Variants in SCFD1 observed in about 807,000 individuals in gnomAD.
SCFD1 encodes sec1 family domain-containing protein 1.
SCFD1 carries 37 observed loss-of-function variants against 103.2 expected under a neutral mutation model. That is an observed-to-expected ratio of 0.36 (90% CI 0.28 to 0.47). SCFD1 has a LOEUF of 0.47. SCFD1 is among the 20% of genes least tolerant of loss of function. The pLI is 1.00. For synonymous variants in SCFD1, 264 were observed against 245.0 expected (o/e 1.08, Z -0.73); for missense variants, 639 against 761.2 (o/e 0.84, Z 1.89).
intron 3 of SCFD1, among the ~76,000 whole-genome samples, chr14:30,631,173 A>G (rs1884080877): frequency 6.6e-6 from 1 of 152,042 alleles, no homozygotes; most frequent in Non-Finnish European, 1.5e-5. Flanking sequence ...TCACGTGGTG[A>G]AACGCCATCT....
chr14:30,641,299 A>C (rs996467619), intron 6 of SCFD1, among the ~76,000 whole-genome samples: 2 of 152,210 alleles, frequency 1.3e-5, no homozygotes, highest in Non-Finnish European at 1.5e-5. Context: ...GGGAGCAAGG[A>C]GATTTATTAT....
At chr14:30,715,858 A>C (rs1026657365) in intron 19 of SCFD1, 66 bp from the exon 20 acceptor site, 1 of 808,382 alleles carries the variant, frequency 1.2e-6, no homozygotes, top group Non-Finnish European at 2.1e-6. Flanking sequence ...TAGAATGATC[A>C]GGTTGTTTTA....
chr14:30,633,208 C>T (rs1373611947), intron 3 of SCFD1, among the ~76,000 whole-genome samples: 1 of 152,190 alleles, frequency 6.6e-6, no homozygotes, highest in Non-Finnish European at 1.5e-5. Flanking sequence ...TAAACACAGA[C>T]TCACTGGCAG....
chr14:30,696,594 T>C (rs980084788), intron 15 of SCFD1, among the ~76,000 whole-genome samples: 5 of 152,186 alleles, frequency 3.3e-5, no homozygotes, highest in African/African-American at 1.2e-4. Context: ...ACTCATGGAA[T>C]AGAGGGAGGA....
At chr14:30,655,764 T>C (rs1051631783) in intron 10 of SCFD1, among the ~76,000 whole-genome samples, 2 of 152,002 alleles carry the variant, frequency 1.3e-5, no homozygotes, top group Admixed American at 6.6e-5. Context: ...TGGCAAGACG[T>C]TGTTGTTTAG....
intron 14 of SCFD1, among the ~76,000 whole-genome samples, chr14:30,692,517 A>G (rs924567354): frequency 6.6e-6 from 1 of 152,228 alleles, no homozygotes. Flanking sequence ...ACGTTGAATG[A>G]GTAGAATTCA....
At chr14:30,691,217 C>T (rs1334218490) in intron 14 of SCFD1, among the ~76,000 whole-genome samples, 1 of 152,198 alleles carries the variant, frequency 6.6e-6, no homozygotes, top group East Asian at 1.9e-4. Flanking sequence ...TCTGTTTCTT[C>T]ATCTTTAAAA....
At chr14:30,702,870 A>G (rs1891173037) in intron 17 of SCFD1, among the ~76,000 whole-genome samples, 1 of 152,142 alleles carries the variant, frequency 6.6e-6, no homozygotes, top group African/African-American at 2.4e-5. Context: ...ATTTATCCCA[A>G]AGAAGTAATT....
At chr14:30,665,973 T>A (rs565663187) in intron 10 of SCFD1, among the ~76,000 whole-genome samples, 15 of 152,206 alleles carry the variant, frequency 9.9e-5, no homozygotes, top group Admixed American at 9.2e-4. Context: ...ATGGGAGACT[T>A]TAACACCCCA....
chr14:30,694,989 A>T, intron 15 of SCFD1, 120 bp downstream of exon 15: 4 of 1,462,078 alleles, frequency 2.7e-6, no homozygotes, highest in Non-Finnish European at 3.6e-6. Context: ...ATATCAAGAT[A>T]ATTAAATGAG....
In SCFD1 at chr14:30,648,196, C is replaced by G. The variant is rs1010238910; in HGVS notation, c.614-1332C>G. Among the ~76,000 whole-genome samples, 140 of 152,252 alleles carry G rather than the reference C, an allele frequency of 9.2e-4. 3 individuals are homozygous for G. The highest frequency in any genetic ancestry group is 2.3e-3 in the Admixed American group (35 of 15,302). On this transcript the variant is annotated intron_variant, in intron 7 of 24. Coordinates refer to ENST00000458591, the MANE Select transcript of SCFD1 (RefSeq NM_016106.4). Reference sequence around the variant, plus strand: ...TCAAGAGGGTTACGTTTATACATTTCTAATGTTAATTTAAATTTTTTATTA... The same window carrying G: ...TCAAGAGGGTTACGTTTATACATTTGTAATGTTAATTTAAATTTTTTATTA...
At chr14:30,652,314 G>T (rs1886471661) in intron 9 of SCFD1, 1 of 152,076 alleles carries the variant, frequency 6.6e-6, no homozygotes, top group Non-Finnish European at 1.5e-5. Context: ...GCCTCAATTT[G>T]CTTTCGGTGG....
chr14:30,691,330 T>C (rs1890281771), intron 14 of SCFD1, among the ~76,000 whole-genome samples: 1 of 152,212 alleles, frequency 6.6e-6, no homozygotes, highest in Non-Finnish European at 1.5e-5. Flanking sequence ...TAGAGCTGTA[T>C]GGAGACATTT....
chr14:30,675,140 T>C (rs949296885), intron 14 of SCFD1, 75 bp downstream of exon 14: 1 of 704,042 alleles, frequency 1.4e-6, no homozygotes, highest in Non-Finnish European at 2.3e-6. Context: ...GATGCTTTAG[T>C]ATTCATTATC....
At chr14:30,658,267 G>T in intron 10 of SCFD1, 1 of 180,870 alleles carries the variant, frequency 5.5e-6, no homozygotes, top group Non-Finnish European at 1.2e-5. Flanking sequence ...TATACTAATA[G>T]ACATAGGGAC....
intron 24 of SCFD1, chr14:30,735,122 G>T: frequency 2.6e-6 from 1 of 378,624 alleles, no homozygotes; most frequent in Non-Finnish European, 4.8e-6. Context: ...AAAAATATAT[G>T]AGAACTGTCA....
chr14:30,664,423 A>G (rs1239646668), intron 10 of SCFD1, among the ~76,000 whole-genome samples: 1 of 152,204 alleles, frequency 6.6e-6, no homozygotes, highest in Non-Finnish European at 1.5e-5. Context: ...AAAGGTAGAT[A>G]AAACCACAAA....
intron 10 of SCFD1, among the ~76,000 whole-genome samples, chr14:30,655,909 C>T (rs1354553203): frequency 1.3e-5 from 2 of 152,038 alleles, no homozygotes; most frequent in African/African-American, 2.4e-5. Context: ...AGGAGGATCA[C>T]GTGGGCCCAG....
chr14:30,653,404 G>A (rs546231915), intron 9 of SCFD1, 85 bp from the exon 10 acceptor site: 1 of 812,644 alleles, frequency 1.2e-6, no homozygotes, highest in African/African-American at 1.7e-5. Context: ...ATATCAAAAT[G>A]GCATATACTG....
Sources: allele counts gnomAD v4.1 joint callset (sites outside exome capture counted in the v4.1 genomes callset), GRCh38; gene constraint gnomAD v4.1.1; transcripts MANE v1.5; gene names NCBI Gene and HGNC (gene_info 2026-07-23, HGNC 2026-07-21).